PAX7: variants seen among roughly 807,000 people sequenced by gnomAD.
The protein encoded by PAX7 is paired box protein Pax-7.
Under a neutral mutation model 50.7 loss-of-function variants are expected in PAX7, and 18 were observed. The observed-to-expected ratio is 0.36, with a 90% CI of 0.25 to 0.53. The LOEUF (loss-of-function observed/expected upper bound fraction) is 0.53, where lower values mean the gene tolerates loss of function less well. Among genes scored for constraint, PAX7 ranks in the 20% least tolerant of loss-of-function variants. The pLI is 0.93. For missense variants in PAX7, 644 were observed against 702.9 expected (o/e 0.92, Z 0.95); for synonymous variants, 310 against 290.4 (o/e 1.07, Z -0.69).
chr1:18,658,224 C>G (rs1047704482), intron 4 of PAX7, among the ~76,000 whole-genome samples: 6 of 151,562 alleles, frequency 4.0e-5, no homozygotes, highest in Admixed American at 6.6e-5. Context: ...TCCCTGCCCC[C>G]ACCTGCCCCT....
chr1:18,711,084 G>A (rs569538777), intron 7 of PAX7, among the ~76,000 whole-genome samples: 75 of 152,246 alleles, frequency 4.9e-4, no homozygotes, highest in African/African-American at 1.7e-3. Flanking sequence ...CCGCTTTCTC[G>A]GGAGGCCTCT....
intron 4 of PAX7, among the ~76,000 whole-genome samples, chr1:18,677,735 G>A (rs1207025832): frequency 6.6e-6 from 1 of 152,298 alleles, no homozygotes; most frequent in Admixed American, 6.5e-5. Context: ...GTGTAATGAT[G>A]AGGGTCCGTG....
rs1427053032 is a variant in PAX7 at position 18,635,187 on chromosome 1, T to A, written c.398T>A (p.Ile133Asn). ...AACCCAGGCATGTTCAGCTGGGAGA[T>A]CCGGGACAGGCTGCTGAAGGATGGG... ...RENPGMFSWE[I>N]RDRLLKDGHC... The change falls in exon 3 of 9, where the codon ATC becomes AAC. Residue 133 changes from isoleucine to asparagine, a missense_variant. Physicochemically the swap from Ile to Asn is moderately radical, Grantham distance 149 (BLOSUM62 -3). Transcript: ENST00000420770. 2 of 1,613,792 alleles carry A rather than the reference T, an allele frequency of 1.2e-6. No homozygotes were observed. Among genetic ancestry groups the A allele is most frequent in the Non-Finnish European group, 1.7e-6 (2 of 1,179,950 alleles).
chr1:18,714,232 A>C (rs1051604289), intron 7 of PAX7, among the ~76,000 whole-genome samples: 2 of 150,598 alleles, frequency 1.3e-5, no homozygotes, highest in African/African-American at 4.9e-5. Context: ...TAAATAAATA[A>C]ATAAATATAC....
chr1:18,715,747 T>G (rs976306992), intron 7 of PAX7, among the ~76,000 whole-genome samples: 4 of 152,122 alleles, frequency 2.6e-5, no homozygotes, highest in African/African-American at 9.7e-5. Context: ...CTGAGAAGTG[T>G]GTTCATATAT....
At chr1:18,654,911 T>C (rs1313998983) in intron 4 of PAX7, among the ~76,000 whole-genome samples, 1 of 152,210 alleles carries the variant, frequency 6.6e-6, no homozygotes, top group African/African-American at 2.4e-5. Context: ...CTCTCAGGCT[T>C]TGGGCCTGGG....
Position 18,636,179 on chromosome 1 carries a change from C to T in PAX7, c.452-58C>T. 2 of 1,581,124 alleles carry T rather than the reference C, an allele frequency of 1.3e-6. No homozygotes were observed. The highest frequency in any genetic ancestry group is 1.7e-5 in the Admixed American group (1 of 57,282). Reference sequence around the variant, plus strand: ...GACTTTCTCCCAGGGGCCCAGGCCACCGCTCGCTCCTCTGCTCCAACAACT... The same window carrying T: ...GACTTTCTCCCAGGGGCCCAGGCCATCGCTCGCTCCTCTGCTCCAACAACT... On this transcript the variant is annotated intron_variant, in intron 3 of 8. Coordinates refer to ENST00000420770, the MANE Select transcript of PAX7 (RefSeq NM_001135254.2). This position sits in a 1 kb window ranked among gnomAD's most constrained non-coding sequence, Gnocchi z 5.1.
intron 4 of PAX7, among the ~76,000 whole-genome samples, chr1:18,655,508 A>G (rs1216905478): frequency 6.6e-6 from 1 of 152,150 alleles, no homozygotes; most frequent in Non-Finnish European, 1.5e-5. Context: ...GGTTGCTCAG[A>G]CACCCTCCAC....
At chr1:18,633,293 C>T (rs924597596) in intron 1 of PAX7, among the ~76,000 whole-genome samples, 15 of 152,174 alleles carry the variant, frequency 9.9e-5, no homozygotes, top group Non-Finnish European at 2.2e-4. Flanking sequence ...TCTCCGCAGC[C>T]GCTGAGTCCC....
In PAX7 at chr1:18,650,003, T is replaced by C. The variant is rs550998609; in HGVS notation, c.586+13632T>C. ...GGCCATCCTTTGAGCTGTAATACTC[T>C]GGGCGTGTGTTTAGTGGAGGGGAAG... On this transcript the variant is annotated intron_variant, in intron 4 of 8. Transcript: ENST00000420770. 5.3e-5 allele frequency among the ~76,000 whole-genome samples: 8 copies of C among 152,298 alleles called. No individual in the cohort carries two copies. In the South Asian group the frequency reaches 1.2e-3, roughly 24 times the overall value.
chr1:18,688,829 A>T (rs1239400860), intron 4 of PAX7, among the ~76,000 whole-genome samples: 1 of 152,204 alleles, frequency 6.6e-6, no homozygotes, highest in Non-Finnish European at 1.5e-5. Flanking sequence ...CACGACAACC[A>T]TTTGAACCCG....
At chr1:18,718,998 A>T (rs898576225) in intron 7 of PAX7, among the ~76,000 whole-genome samples, 2 of 151,936 alleles carry the variant, frequency 1.3e-5, no homozygotes, top group Admixed American at 6.6e-5. Context: ...ATGAACTGAG[A>T]TCCCCCTCCC....
intron 4 of PAX7, among the ~76,000 whole-genome samples, chr1:18,686,834 C>A (rs972112687): frequency 6.6e-6 from 1 of 151,994 alleles, no homozygotes; most frequent in Non-Finnish European, 1.5e-5. Context: ...ATAGTAATAG[C>A]CTTCATGGGT....
chr1:18,721,085 G>A (rs2089486977), intron 7 of PAX7, among the ~76,000 whole-genome samples: 1 of 152,086 alleles, frequency 6.6e-6, no homozygotes, highest in Non-Finnish European at 1.5e-5. Flanking sequence ...GCCAGAGCCA[G>A]CTTCTCTCCA....
intron 4 of PAX7, among the ~76,000 whole-genome samples, chr1:18,686,166 C>G (rs2088972323): frequency 1.3e-5 from 2 of 152,208 alleles, no homozygotes; most frequent in Non-Finnish European, 2.9e-5. Flanking sequence ...CAAGGTGATA[C>G]CTCCTCCATC....
intron 4 of PAX7, among the ~76,000 whole-genome samples, chr1:18,667,592 G>T (rs1283926612): frequency 6.6e-6 from 1 of 152,130 alleles, no homozygotes; most frequent in Non-Finnish European, 1.5e-5. Context: ...TGGAGGGATT[G>T]AGATTAGACA....
chr1:18,671,803 AT>A (rs1278694856), intron 4 of PAX7, among the ~76,000 whole-genome samples: 9 of 137,272 alleles, frequency 6.6e-5, no homozygotes, highest in Non-Finnish European at 1.1e-4. Context: ...CCCTAACTCT[AT>A]AAAAAAAAAA....
At chr1:18,644,385 T>A (rs2088306169) in intron 4 of PAX7, among the ~76,000 whole-genome samples, 1 of 151,974 alleles carries the variant, frequency 6.6e-6, no homozygotes, top group African/African-American at 2.4e-5. Context: ...TCAGTTTCCT[T>A]CCATGAAAAA....
chr1:18,656,744 C>T (rs1270043741), intron 4 of PAX7, among the ~76,000 whole-genome samples: 3 of 152,038 alleles, frequency 2.0e-5, no homozygotes, highest in African/African-American at 7.2e-5. Context: ...CCTGTAATCC[C>T]AGCACTTTGG....
Sources: gnomAD v4.1 joint callset for allele counts (sites outside exome capture counted in the v4.1 genomes callset) on GRCh38, gnomAD v4.1.1 for gene constraint, Gnocchi (gnomAD v3.1) non-coding constraint, MANE v1.5 for transcripts, NCBI Gene and HGNC (gene_info 2026-07-23, HGNC 2026-07-21) for gene names.